Variants in ADGRG6 observed in about 807,000 individuals in gnomAD.
The protein encoded by ADGRG6 is G-protein coupled receptor 126.
Under a neutral mutation model 142.4 loss-of-function variants are expected in ADGRG6, and 84 were observed. That is an observed-to-expected ratio of 0.59 (90% confidence interval 0.49 to 0.71). ADGRG6 has a LOEUF of 0.71. Among genes scored for constraint, ADGRG6 ranks in the 30% least tolerant of loss-of-function variants. ADGRG6 has a pLI of 0.00. For synonymous variants in ADGRG6, 521 were observed against 520.5 expected (o/e 1.00, Z -0.01); for missense variants, 1,367 against 1,466.6 (o/e 0.93, Z 1.11).
chr6:142,329,520 G>T (rs1162562194), intron 2 of ADGRG6, among the ~76,000 whole-genome samples: 1 of 151,948 alleles, frequency 6.6e-6, no homozygotes, highest in East Asian at 1.9e-4. Context: ...CATCTATTTT[G>T]TTACCTTACG....
At chr6:142,310,771 G>A (rs1777728663) in intron 2 of ADGRG6, among the ~76,000 whole-genome samples, 1 of 151,686 alleles carries the variant, frequency 6.6e-6, no homozygotes, top group Admixed American at 6.6e-5. Context: ...GAATTTTATT[G>A]TAAAGCCATT....
chr6:142,338,017 G>GTTTTTTGTTTTTTTTTTTT (rs1491411517), intron 2 of ADGRG6, among the ~76,000 whole-genome samples: 3 of 35,392 alleles, frequency 8.5e-5, no homozygotes. Flanking sequence ...TTGTATCTTT[G>GTTTTTTGTTTTTTTTTTTT]TTTTTTTTTT....
In ADGRG6 at chr6:142,381,948, A is replaced by G. The variant is rs1009363844; in HGVS notation, c.1070-3A>G. ...CTTACATATTCTTTTTGTGTTGATC[A>G]AGGTTCCTACCTGATCCCGCTCCCA... On this transcript the variant is annotated splice_polypyrimidine_tract_variant and splice_region_variant and intron_variant, in intron 4 of 24. Transcript: ENST00000367609. 1.6e-5 allele frequency: 25 copies of G among 1,578,908 alleles called. No individual in the cohort carries two copies. Among genetic ancestry groups the G allele is most frequent in the Non-Finnish European group, 2.0e-5 (23 of 1,154,438 alleles).
At chr6:142,348,014 A>G (rs1221021984) in intron 2 of ADGRG6, among the ~76,000 whole-genome samples, 8 of 152,268 alleles carry the variant, frequency 5.3e-5, no homozygotes, top group Non-Finnish European at 1.2e-4. Flanking sequence ...TGACCTTCAC[A>G]GGGAACATTT....
chr6:142,416,057 T>A lies in ADGRG6; in HGVS notation c.2931T>A (p.Ile977=), dbSNP rs1444949178. 6.2e-7 allele frequency: 1 copy of A among 1,611,488 alleles called. No individual in the cohort carries two copies. The highest frequency in any genetic ancestry group is 2.2e-5 in the East Asian group (1 of 44,822). Residue 977 remains isoleucine (I), a synonymous_variant, in exon 20 of 25, where the codon ATT becomes ATA. Coordinates refer to ENST00000367609, the MANE Select transcript of ADGRG6 (RefSeq NM_198569.3). ...IRRYILKFCI[I]GWGLPALVVS... ...GATACATTCTAAAATTCTGCATCATTGGCTGGGGTAAGCCTCTTAAAATTT... is the reference window on the plus strand; with the variant it reads ...GATACATTCTAAAATTCTGCATCATAGGCTGGGGTAAGCCTCTTAAAATTT...
intron 22 of ADGRG6, among the ~76,000 whole-genome samples, chr6:142,422,452 A>G (rs529161197): frequency 7.4e-4 from 112 of 152,224 alleles, no homozygotes; most frequent in African/African-American, 2.6e-3. Context: ...ACTGAGAATG[A>G]TGATTTCCAA....
intron 4 of ADGRG6, among the ~76,000 whole-genome samples, chr6:142,379,241 T>G (rs1433969357): frequency 6.6e-6 from 1 of 152,178 alleles, no homozygotes; most frequent in Non-Finnish European, 1.5e-5. Flanking sequence ...CTATTCTTCC[T>G]TTTTTCCTCT....
intron 2 of ADGRG6, among the ~76,000 whole-genome samples, chr6:142,345,937 A>G (rs1452678306): frequency 6.6e-6 from 1 of 152,210 alleles, no homozygotes; most frequent in Non-Finnish European, 1.5e-5. Context: ...AGGAAAAAAC[A>G]TTAGTAGATG....
intron 2 of ADGRG6, among the ~76,000 whole-genome samples, chr6:142,350,699 C>A (rs1780130789): frequency 6.6e-6 from 1 of 152,116 alleles, no homozygotes; most frequent in African/African-American, 2.4e-5. Context: ...TTCAGTTTAA[C>A]TTTTATCATG....
chr6:142,381,984 T>C lies in ADGRG6; in HGVS notation c.1103T>C (p.Leu368Pro). The change falls in exon 5 of 25, where the codon CTG (leucine) becomes CCG (proline). Residue 368 changes from leucine to proline, a missense_variant. Transcript: ENST00000367609. Reference protein sequence around the residue: ...SYLIPLPAAELASCADLGTLC... With the variant: ...SYLIPLPAAEPASCADLGTLC... Reference sequence around the variant, plus strand: ...CTGATCCCGCTCCCAGCAGCAGAACTGGCCAGCTGTGCAGACCTGGGGACC... The same window carrying C: ...CTGATCCCGCTCCCAGCAGCAGAACCGGCCAGCTGTGCAGACCTGGGGACC... 6.2e-7 allele frequency: 1 copy of C among 1,607,738 alleles called. No homozygotes were observed. Among genetic ancestry groups the C allele is most frequent in the Non-Finnish European group, 8.5e-7 (1 of 1,176,116 alleles).
chr6:142,359,082 A>G (rs186573659), intron 2 of ADGRG6, among the ~76,000 whole-genome samples: 2 of 150,888 alleles, frequency 1.3e-5, no homozygotes, highest in Non-Finnish European at 1.5e-5. Context: ...TGGTGCATAC[A>G]TGTGGTCTCA....
rs1174065991 is a variant in ADGRG6 at position 142,318,367 on chromosome 6, ATATATATT to A, written c.103+8740_103+8747del. On this transcript the variant is annotated intron_variant, in intron 2 of 24. Coordinates refer to ENST00000367609, the MANE Select transcript of ADGRG6 (RefSeq NM_198569.3). Reference sequence around the variant, plus strand: ...TATATTTATATATTATATAATATTTATATATATTTATATATTTATATATTATATGTAAT... The same window carrying A: ...TATATTTATATATTATATAATATTTATATATATTTATATATTATATGTAAT... Among the ~76,000 whole-genome samples the A allele has an allele frequency of 5.1e-4, 52 of 101,800 alleles. No homozygotes were observed. The East Asian group carries it at 5.3e-3, about 10-fold the overall frequency. The allele number at this position is 101,800 out of a possible 152,430, so 66.8% of individuals were successfully genotyped here.
intron 2 of ADGRG6, among the ~76,000 whole-genome samples, chr6:142,318,310 T>A (rs1187415058): frequency 2.2e-5 from 2 of 88,890 alleles, no homozygotes; most frequent in South Asian, 2.7e-4. Context: ...ATATTTATAT[T>A]ATATATTTAT....
At chr6:142,357,845 TGAAAG>T (rs1174403715) in intron 2 of ADGRG6, among the ~76,000 whole-genome samples, 2 of 152,120 alleles carry the variant, frequency 1.3e-5, no homozygotes, top group African/African-American at 4.8e-5. Flanking sequence ...AAACTGGACA[TGAAAG>T]GAAGTAGGGG....
chr6:142,427,747 C>G (rs1777018480), intron 22 of ADGRG6, among the ~76,000 whole-genome samples: 1 of 152,140 alleles, frequency 6.6e-6, no homozygotes, highest in Non-Finnish European at 1.5e-5. Flanking sequence ...GCCTCACAAT[C>G]AGGGCGGAGG....
At chr6:142,315,864 TAAATA>T (rs1181892199) in intron 2 of ADGRG6, among the ~76,000 whole-genome samples, 1 of 137,976 alleles carries the variant, frequency 7.2e-6, no homozygotes, top group Non-Finnish European at 1.5e-5. Flanking sequence ...AATAAATAAA[TAAATA>T]AAGCAAGGTT....
At chr6:142,433,659 T>A (rs921108876) in intron 22 of ADGRG6, among the ~76,000 whole-genome samples, 10 of 152,238 alleles carry the variant, frequency 6.6e-5, no homozygotes, top group African/African-American at 2.4e-4. Context: ...CCTCTCCAAC[T>A]CTTCCTCCCC....
intron 2 of ADGRG6, among the ~76,000 whole-genome samples, chr6:142,358,255 T>C (rs1780550779): frequency 2.0e-5 from 3 of 152,240 alleles, no homozygotes; most frequent in African/African-American, 7.2e-5. Flanking sequence ...TCATATGAGA[T>C]GAACATAAGG....
intron 10 of ADGRG6, among the ~76,000 whole-genome samples, chr6:142,399,317 C>T (rs971410447): frequency 6.6e-6 from 1 of 152,136 alleles, no homozygotes; most frequent in African/African-American, 2.4e-5. Context: ...TACACCGTTA[C>T]AAAGAACTCA....
Sources: gnomAD v4.1 joint callset for allele counts (sites outside exome capture counted in the v4.1 genomes callset) on GRCh38, gnomAD v4.1.1 for gene constraint, MANE v1.5 for transcripts, NCBI Gene and HGNC (gene_info 2026-07-23, HGNC 2026-07-21) for gene names.